Variants in UGT1A8 observed in about 807,000 individuals in gnomAD.
UGT1A8 encodes the protein UDP-glucuronosyltransferase 1A8.
In UGT1A8, 39 loss-of-function variants were observed where a neutral mutation model predicts 45.3. That is an observed-to-expected ratio of 0.86 (90% CI 0.67 to 1.12). UGT1A8 has a LOEUF of 1.12. Ranked by LOEUF, UGT1A8 falls within the 50% of genes most tolerant of loss-of-function variation. The pLI is 0.00. For synonymous variants in UGT1A8, 275 were observed against 249.2 expected, an observed-to-expected ratio of 1.10 and a Z score of -0.97; for missense variants, 719 against 664.9, an observed-to-expected ratio of 1.08 and a Z score of -0.90.
chr2:233,704,256 C>T (rs1366792862), intron 1 of UGT1A8, among the ~76,000 whole-genome samples: 14 of 123,650 alleles, frequency 1.1e-4, no homozygotes, highest in South Asian at 2.6e-4. Context: ...GCCTTTATTG[C>T]TTTTTTTTTT....
chr2:233,720,874 T>TTTC (rs1334783084), intron 1 of UGT1A8, among the ~76,000 whole-genome samples: 2 of 147,924 alleles, frequency 1.4e-5, no homozygotes, highest in Non-Finnish European at 3.0e-5. Context: ...CCTGGCAATT[T>TTTC]TTTTTTTTTT....
intron 1 of UGT1A8, among the ~76,000 whole-genome samples, chr2:233,757,931 A>G (rs552433381): frequency 6.6e-6 from 1 of 152,244 alleles, no homozygotes; most frequent in East Asian, 1.9e-4. Flanking sequence ...CCCCCAAAGC[A>G]AGACCATCAT....
chr2:233,681,530 CAAA>C (rs747693860), intron 1 of UGT1A8, among the ~76,000 whole-genome samples: 871 of 77,674 alleles, frequency 0.011, 5 homozygotes, highest in African/African-American at 0.039. Context: ...GACTCCATCT[CAAA>C]AAAAAAAAAA....
chr2:233,674,262 A>T (rs894240612), intron 1 of UGT1A8, among the ~76,000 whole-genome samples: 7 of 152,218 alleles, frequency 4.6e-5, no homozygotes, highest in Admixed American at 2.0e-4. Flanking sequence ...AAGCAGGAGG[A>T]CTACAGTTGT....
intron 1 of UGT1A8, among the ~76,000 whole-genome samples, chr2:233,725,821 C>A (rs539043727): frequency 6.6e-6 from 1 of 152,130 alleles, no homozygotes; most frequent in South Asian, 2.1e-4. Flanking sequence ...TATTGGATAC[C>A]AGTATTGCTA....
intron 1 of UGT1A8, chr2:233,761,111 T>G: frequency 1.9e-6 from 3 of 1,614,220 alleles, no homozygotes; most frequent in Non-Finnish European, 2.5e-6. Context: ...ATGGTTTTTG[T>G]TGGTGGAATC....
chr2:233,624,988 G>A (rs1165068595), intron 1 of UGT1A8, among the ~76,000 whole-genome samples: 2 of 152,026 alleles, frequency 1.3e-5, no homozygotes, highest in East Asian at 1.9e-4. Flanking sequence ...GGACCAACCC[G>A]TGTGAAGTAG....
rs542183659 is a variant in UGT1A8, at chr2:233,649,165, T to C, written c.855+30603T>C. On this transcript the variant is annotated intron_variant, in intron 1 of 4. Coordinates refer to ENST00000373450, the MANE Select transcript of UGT1A8 (RefSeq NM_019076.5). ...CTGTGTAAAAAATTATTTTGTGCCA[T>C]CCACGTGTTTGTTGGTTAGCAACTT... is the stretch of plus-strand genomic sequence containing the variant. The C allele has an allele frequency of 5.4e-5, 26 of 479,824 alleles. No individual in the cohort carries two copies. The South Asian group carries it at 1.1e-3, about 20-fold the overall frequency. 29.7% of individuals were successfully genotyped at this position (479,824 alleles called of 1,614,324 possible). A position where few individuals can be genotyped will look rare whatever the true frequency, so the allele number is the denominator to read the frequency against.
At chr2:233,628,808 A>G (rs2073136679) in intron 1 of UGT1A8, among the ~76,000 whole-genome samples, 1 of 152,038 alleles carries the variant, frequency 6.6e-6, no homozygotes, top group South Asian at 2.1e-4. Context: ...TTTGTTGAGA[A>G]TTTTTTATCA....
At chr2:233,693,455 C>T (rs773557629) in intron 1 of UGT1A8, 7 of 1,614,054 alleles carry the variant, frequency 4.3e-6, no homozygotes, top group South Asian at 1.1e-5. Context: ...TTTCACAGAC[C>T]CAGCCTTACC....
intron 1 of UGT1A8, among the ~76,000 whole-genome samples, chr2:233,640,211 A>G (rs1307706486): frequency 6.6e-6 from 1 of 152,226 alleles, no homozygotes; most frequent in African/African-American, 2.4e-5. Flanking sequence ...TTTCAAACAT[A>G]CAAAATGAAA....
At chr2:233,734,724 C>T (rs548738202) in intron 1 of UGT1A8, among the ~76,000 whole-genome samples, 2 of 150,850 alleles carry the variant, frequency 1.3e-5, no homozygotes, top group East Asian at 4.1e-4. Flanking sequence ...TCTTTGTTCT[C>T]GTCGGTTTCA....
chr2:233,642,058 G>C (rs1248536309), intron 1 of UGT1A8, among the ~76,000 whole-genome samples: 1 of 151,994 alleles, frequency 6.6e-6, no homozygotes, highest in Non-Finnish European at 1.5e-5. Flanking sequence ...CTCTAGGTTT[G>C]GAAAGTTTTC....
chr2:233,761,024 A>T, intron 1 of UGT1A8: 1 of 1,614,070 alleles, frequency 6.2e-7, no homozygotes, highest in Non-Finnish European at 8.5e-7. Context: ...ACTGTCCAGG[A>T]CCTATTGAGC....
In UGT1A8 at chr2:233,637,304, A is replaced by G; in HGVS notation, c.855+18742A>G. The G allele has an allele frequency of 1.9e-6, 3 of 1,613,954 alleles. No individual in the cohort carries two copies. The highest frequency in any genetic ancestry group is 1.7e-6 in the Non-Finnish European group (2 of 1,179,844). On this transcript the variant is annotated intron_variant, in intron 1 of 4. Coordinates refer to ENST00000373450, the MANE Select transcript of UGT1A8 (RefSeq NM_019076.5). Reference sequence around the variant, plus strand: ...TTGCGAACGGACTTTGTTTTGGACTATCCCAAACCCGTGATGCCCAACATG... The same window carrying G: ...TTGCGAACGGACTTTGTTTTGGACTGTCCCAAACCCGTGATGCCCAACATG...
At position 233,760,222 on chromosome 2, in the gene UGT1A8, T is replaced by G. The variant is rs1346369593; in HGVS notation, c.856-6812T>G. On this transcript the variant is annotated intron_variant, in intron 1 of 4. Coordinates refer to ENST00000373450, the MANE Select transcript of UGT1A8 (RefSeq NM_019076.5). The stretch of plus-strand genomic sequence containing the variant: ...GTCAAACATTAACTTGGTGTATCGA[T>G]TGGTTTTTGCCATATATATATATAT... The G allele has an allele frequency of 2.5e-6, 4 of 1,591,036 alleles. No individual in the cohort carries two copies. The South Asian group carries it at 3.4e-5, about 13-fold the overall frequency.
At chr2:233,747,538 C>T in intron 1 of UGT1A8, 1 of 1,604,368 alleles carries the variant, frequency 6.2e-7, no homozygotes, top group Non-Finnish European at 8.5e-7. Flanking sequence ...TTTCTGAAGA[C>T]ATTTTCTAAA....
In UGT1A8 at chr2:233,618,286, T is replaced by C. The variant is rs747612268; in HGVS notation, c.579T>C (p.Ile193=). 3.7e-5 allele frequency: 59 copies of C among 1,613,774 alleles called. No homozygotes were observed. In the African/African-American group the frequency reaches 6.1e-4, roughly 17 times the overall value. ...CPAPLSYVPR[I]LLGFSDAMTF... ...CTCCTCTTTCCTATGTCCCCAGAAT[T>C]CTCTTAGGGTTCTCAGATGCCATGA... The change falls in exon 1 of 5, where the codon ATT becomes ATC. Residue 193 remains isoleucine, a synonymous_variant. Coordinates refer to ENST00000373450, the MANE Select transcript of UGT1A8 (RefSeq NM_019076.5).
intron 1 of UGT1A8, chr2:233,637,325 A>G (rs761378313): frequency 1.6e-5 from 26 of 1,613,982 alleles, no homozygotes; most frequent in Non-Finnish European, 2.2e-5. Flanking sequence ...GTGATGCCCA[A>G]CATGATCTTC....
Sources: allele counts gnomAD v4.1 joint callset (sites outside exome capture counted in the v4.1 genomes callset), GRCh38; gene constraint gnomAD v4.1.1; transcripts MANE v1.5; gene names NCBI Gene and HGNC (gene_info 2026-07-23, HGNC 2026-07-21).